EDC3: variants seen among roughly 807,000 people sequenced by gnomAD.
The protein encoded by EDC3 is enhancer of mRNA decapping 3, also known as enhancer of mRNA-decapping protein 3.
A neutral mutation model predicts 41.8 loss-of-function variants in EDC3; 20 were observed. That is an observed-to-expected ratio of 0.48 (90% CI 0.34 to 0.70). The LOEUF (loss-of-function observed/expected upper bound fraction) is 0.70, where lower values mean the gene tolerates loss of function less well. EDC3 is among the 30% of genes least tolerant of loss of function. EDC3 has a pLI of 0.01. For synonymous variants in EDC3, 206 were observed against 243.2 expected (o/e 0.85, Z 1.42); for missense variants, 444 against 636.8 (o/e 0.70, Z 3.26).
At chr15:74,655,614 C>T in intron 4 of EDC3, 119 bp downstream of exon 4, 1 of 1,042,304 alleles carries the variant, frequency 9.6e-7, no homozygotes, top group South Asian at 1.7e-5. Context: ...GGGCCAGCCA[C>T]CAAGCCACTT....
intron 2 of EDC3, among the ~76,000 whole-genome samples, chr15:74,673,933 T>C (rs935895304): frequency 1.3e-5 from 2 of 148,770 alleles, no homozygotes; most frequent in East Asian, 2.0e-4. Flanking sequence ...GAACCAAAGA[T>C]AGAACCCTGA....
intron 1 of EDC3, among the ~76,000 whole-genome samples, chr15:74,690,295 A>G (rs753942164): frequency 4.6e-5 from 7 of 152,246 alleles, no homozygotes; most frequent in Non-Finnish European, 1.0e-4. Flanking sequence ...TTTCCAGACT[A>G]CTGAATGCCA....
intron 1 of EDC3, chr15:74,695,182 C>A (rs961906342): frequency 1.3e-5 from 2 of 151,202 alleles, no homozygotes; most frequent in African/African-American, 4.9e-5. Context: ...AGTTGATTTT[C>A]AACTAATCTC....
intron 1 of EDC3, among the ~76,000 whole-genome samples, chr15:74,686,877 G>A (rs1464734319): frequency 6.6e-6 from 1 of 151,952 alleles, no homozygotes; most frequent in Non-Finnish European, 1.5e-5. Flanking sequence ...CCAGCACTTT[G>A]GGAGGCCGAC....
chr15:74,681,633 C>A (rs1443131285), intron 1 of EDC3, among the ~76,000 whole-genome samples: 1 of 152,090 alleles, frequency 6.6e-6, no homozygotes, highest in Non-Finnish European at 1.5e-5. Context: ...TGACAAAGTG[C>A]AAAAACAATT....
At chr15:74,678,283 C>T (rs2062828949) in intron 1 of EDC3, among the ~76,000 whole-genome samples, 2 of 152,058 alleles carry the variant, frequency 1.3e-5, no homozygotes, top group South Asian at 2.1e-4. Flanking sequence ...GTAACAAACA[C>T]GACCGTGGTG....
At position 74,632,669 on chromosome 15, in the gene EDC3, G is replaced by A; in HGVS notation, c.1470C>T (p.Gly490=). Residue 490 remains glycine (G), a synonymous_variant, in exon 7 of 7, where the codon GGC becomes GGT. Coordinates refer to ENST00000315127, the MANE Select transcript of EDC3 (RefSeq NM_025083.5). The surrounding 1 kb of genome is among the most constrained non-coding windows in gnomAD (Gnocchi z 4.0). The part of the protein sequence containing the change: ...GIPQQVFQEV[G]INYHSPFGCK... ...AGCCAAAGGGCGAGTGGTAGTTGAT[G>A]CCCACCTCCTGGAAGACCTGCTGGG... The A allele has an allele frequency of 6.2e-7, 1 of 1,614,156 alleles. No homozygotes were observed. Among genetic ancestry groups the A allele is most frequent in the Admixed American group, 1.7e-5 (1 of 60,034 alleles).
chr15:74,666,132 T>C (rs2062674937), intron 3 of EDC3, among the ~76,000 whole-genome samples: 1 of 152,150 alleles, frequency 6.6e-6, no homozygotes. Flanking sequence ...ATCAATCTAC[T>C]AGTCTCAATA....
At chr15:74,676,539 A>G (rs1596327097) in intron 1 of EDC3, among the ~76,000 whole-genome samples, 1 of 152,188 alleles carries the variant, frequency 6.6e-6, no homozygotes. Context: ...CATCATAGAC[A>G]TTAAAAAATA....
At chr15:74,646,394 A>G (rs1225987831) in intron 4 of EDC3, among the ~76,000 whole-genome samples, 1 of 152,226 alleles carries the variant, frequency 6.6e-6, no homozygotes, top group East Asian at 1.9e-4. Flanking sequence ...TAATCTAACT[A>G]GAAACAAAAA....
At chr15:74,654,167 C>T (rs995954976) in intron 4 of EDC3, among the ~76,000 whole-genome samples, 25 of 151,506 alleles carry the variant, frequency 1.7e-4, no homozygotes, top group African/African-American at 5.1e-4. Context: ...GCAGGAGAAT[C>T]GCTTGAACCC....
chr15:74,631,048 G>A lies in EDC3; in HGVS notation c.*1564C>T, dbSNP rs930772381. ...CCCTGAGAGTGAGCAGAGGCTCAGA[G>A]AATACACAGCACAAGGGTTACAGTC... On this transcript the variant is annotated 3_prime_UTR_variant, in exon 7 of 7. Transcript: ENST00000315127. 3.3e-5 allele frequency: 5 copies of A among 152,264 alleles called. No individual in the cohort carries two copies. Among genetic ancestry groups the A allele is most frequent in the African/African-American group, 9.6e-5 (4 of 41,474 alleles). The allele number at this position is 152,264 out of a possible 1,614,324, so 9.4% of individuals were successfully genotyped here.
chr15:74,648,610 C>T (rs1423294011), intron 4 of EDC3, among the ~76,000 whole-genome samples: 1 of 152,168 alleles, frequency 6.6e-6, no homozygotes, highest in East Asian at 1.9e-4. Flanking sequence ...GGAGCTCAGA[C>T]CAGAGCACCT....
intron 3 of EDC3, among the ~76,000 whole-genome samples, chr15:74,668,944 C>T (rs912797509): frequency 3.3e-5 from 5 of 152,054 alleles, no homozygotes; most frequent in Non-Finnish European, 7.4e-5. Context: ...TACATTAAAA[C>T]ATTTTTTTAG....
At chr15:74,673,326 A>C (rs899533598) in intron 2 of EDC3, among the ~76,000 whole-genome samples, 1 of 152,214 alleles carries the variant, frequency 6.6e-6, no homozygotes, top group Admixed American at 6.5e-5. Context: ...CACGAGGATT[A>C]AAGAGAAAGA....
chr15:74,632,655 G>GA lies in EDC3; in HGVS notation c.1483dup (p.Ser495PhefsTer45). 6.2e-7 allele frequency: 1 copy of GA among 1,614,088 alleles called. No homozygotes were observed. The highest frequency in any genetic ancestry group is 8.5e-7 in the Non-Finnish European group (1 of 1,180,046). On this transcript the variant is annotated frameshift_variant, in exon 7 of 7. Transcript: ENST00000315127. LOFTEE classifies it high-confidence loss of function. This position sits in a 1 kb window ranked among gnomAD's most constrained non-coding sequence, Gnocchi z 4.0. ...GATAACAAACTTGCAGCCAAAGGGC[G>GA]AGTGGTAGTTGATGCCCACCTCCTG... is the stretch of plus-strand genomic sequence containing the variant.
intron 6 of EDC3, 129 bp from the exon 7 acceptor site, chr15:74,633,075 T>A: frequency 9.7e-7 from 1 of 1,027,254 alleles, no homozygotes; most frequent in Non-Finnish European, 1.4e-6. Context: ...CTCCAAAGGC[T>A]GGCCTTCTTA....
rs78353509 is a variant in EDC3, at chr15:74,671,028, G to GTT, written c.484+425_484+426dup. ...TACCAACATCAGTAACAGGATTTAA[G>GTT]TTTTTTTTTTTTTCTTTTTCAGAAA... On this transcript the variant is annotated intron_variant, in intron 3 of 6. Coordinates refer to ENST00000315127, the MANE Select transcript of EDC3 (RefSeq NM_025083.5). The surrounding 1 kb of genome is among the most constrained non-coding windows in gnomAD (Gnocchi z 4.6). 3.4e-5 allele frequency among the ~76,000 whole-genome samples: 5 copies of GTT among 146,370 alleles called. No individual in the cohort carries two copies. The highest frequency in any genetic ancestry group is 3.0e-5 in the Non-Finnish European group (2 of 66,078).
chr15:74,654,820 A>G (rs886539704), intron 4 of EDC3, among the ~76,000 whole-genome samples: 2 of 152,156 alleles, frequency 1.3e-5, no homozygotes, highest in African/African-American at 4.8e-5. Flanking sequence ...CTTTCCTCCA[A>G]ATGCAATTAG....
Sources: gnomAD v4.1 joint callset for allele counts (sites outside exome capture counted in the v4.1 genomes callset) on GRCh38, gnomAD v4.1.1 for gene constraint, Gnocchi (gnomAD v3.1) non-coding constraint, MANE v1.5 for transcripts, NCBI Gene and HGNC (gene_info 2026-07-23, HGNC 2026-07-21) for gene names.